The following EVA1C variants were observed in gnomAD, a reference collection of about 807,000 sequenced individuals.
EVA1C encodes the protein eva-1 homolog C.
EVA1C carries 25 observed loss-of-function variants against 45.4 expected under a neutral mutation model. The observed-to-expected ratio is 0.55, with a 90% CI of 0.40 to 0.77. EVA1C has a LOEUF of 0.77. Among genes scored for constraint, EVA1C ranks in the 30% least tolerant of loss-of-function variants. The pLI is 0.00. For synonymous variants in EVA1C, 190 were observed against 221.2 expected, an observed-to-expected ratio of 0.86 and a Z score of 1.25; for missense variants, 479 against 554.8, an observed-to-expected ratio of 0.86 and a Z score of 1.37.
intron 7 of EVA1C, among the ~76,000 whole-genome samples, chr21:32,507,578 A>G (rs989636825): frequency 1.4e-5 from 2 of 145,578 alleles, no homozygotes; most frequent in African/African-American, 5.2e-5. Context: ...GTGCATGTGT[A>G]TATGTGTGTG....
intron 1 of EVA1C, among the ~76,000 whole-genome samples, chr21:32,449,055 A>G (rs150292146): frequency 6.6e-6 from 1 of 152,176 alleles, no homozygotes; most frequent in African/African-American, 2.4e-5. Context: ...GGAAAGAAAG[A>G]GAAAAGAAAA....
intron 1 of EVA1C, among the ~76,000 whole-genome samples, chr21:32,437,754 C>G (rs2035015543): frequency 6.6e-6 from 1 of 152,180 alleles, no homozygotes; most frequent in Non-Finnish European, 1.5e-5. Context: ...TGCCCTCTCC[C>G]TACACACCCT....
chr21:32,435,816 T>C (rs1418378006), intron 1 of EVA1C, among the ~76,000 whole-genome samples: 1 of 152,210 alleles, frequency 6.6e-6, no homozygotes, highest in African/African-American at 2.4e-5. Flanking sequence ...CAATTTATCA[T>C]GATACTGTCA....
chr21:32,473,921 T>C (rs1476998828), intron 4 of EVA1C: 2 of 985,328 alleles, frequency 2.0e-6, no homozygotes, highest in Non-Finnish European at 1.2e-6. Context: ...TCAGCCTTTT[T>C]GTGCCACGGA....
intron 7 of EVA1C, among the ~76,000 whole-genome samples, chr21:32,514,528 G>T (rs2038073152): frequency 6.6e-6 from 1 of 152,200 alleles, no homozygotes; most frequent in African/African-American, 2.4e-5. Context: ...CACAGCTACT[G>T]AGTGGCAGAC....
chr21:32,511,124 C>T (rs2037933551), intron 7 of EVA1C, among the ~76,000 whole-genome samples: 1 of 151,788 alleles, frequency 6.6e-6, no homozygotes, highest in African/African-American at 2.4e-5. Context: ...AGAAAATATA[C>T]ACATCCTTGG....
At chr21:32,413,136 G>T in intron 1 of EVA1C, 123 bp downstream of exon 1, 7 of 829,530 alleles carry the variant, frequency 8.4e-6, no homozygotes, top group Non-Finnish European at 8.3e-6. Flanking sequence ...CGTGCTCACA[G>T]ACACTTGTCT....
At chr21:32,454,086 G>A (rs1288084397) in intron 2 of EVA1C, among the ~76,000 whole-genome samples, 6 of 152,048 alleles carry the variant, frequency 3.9e-5, no homozygotes, top group Non-Finnish European at 4.4e-5. Context: ...AAAATTAGCC[G>A]GGCATGGTGG....
intron 1 of EVA1C, among the ~76,000 whole-genome samples, chr21:32,427,820 C>T (rs1483222687): frequency 7.8e-6 from 1 of 127,900 alleles, no homozygotes; most frequent in Non-Finnish European, 1.6e-5. Flanking sequence ...GAGTTTGAGA[C>T]AAGCCTGGGC....
At chr21:32,426,625 G>T (rs920642817) in intron 1 of EVA1C, among the ~76,000 whole-genome samples, 2 of 152,020 alleles carry the variant, frequency 1.3e-5, no homozygotes, top group African/African-American at 4.8e-5. Flanking sequence ...ATCAAGATAC[G>T]CTGGAGTTTG....
chr21:32,495,436 TGGA>T (rs1366006541), intron 5 of EVA1C, among the ~76,000 whole-genome samples: 1 of 151,966 alleles, frequency 6.6e-6, no homozygotes, highest in African/African-American at 2.4e-5. Flanking sequence ...ATGGGGAGGG[TGGA>T]GAAGGAACAA....
chr21:32,460,616 C>A (rs762055082), intron 3 of EVA1C, among the ~76,000 whole-genome samples: 1 of 152,134 alleles, frequency 6.6e-6, no homozygotes, highest in Non-Finnish European at 1.5e-5. Context: ...CAGGTGAGCA[C>A]GTCCTCGGTA....
intron 7 of EVA1C, among the ~76,000 whole-genome samples, chr21:32,511,819 T>C (rs966452353): frequency 5.9e-5 from 9 of 152,112 alleles, no homozygotes; most frequent in Non-Finnish European, 1.2e-4. Flanking sequence ...AGAGAAACGC[T>C]TGCAGGTGTT....
intron 1 of EVA1C, among the ~76,000 whole-genome samples, chr21:32,451,808 C>G (rs1043709872): frequency 2.2e-4 from 33 of 152,236 alleles, no homozygotes; most frequent in African/African-American, 7.0e-4. Flanking sequence ...ATAAGGACAC[C>G]GGTTATATGG....
At chr21:32,439,852 G>GA (rs369308705) in intron 1 of EVA1C, among the ~76,000 whole-genome samples, 6 of 149,528 alleles carry the variant, frequency 4.0e-5, no homozygotes, top group South Asian at 2.1e-4. Context: ...TCCCTAAAGT[G>GA]AAAAAAAAAG....
intron 3 of EVA1C, among the ~76,000 whole-genome samples, chr21:32,462,817 G>A (rs984339674): frequency 3.3e-5 from 5 of 152,148 alleles, no homozygotes; most frequent in South Asian, 2.1e-4. Context: ...CCTCTGCTTC[G>A]GCCCATCCCT....
chr21:32,481,274 T>C (rs183444540), intron 4 of EVA1C, among the ~76,000 whole-genome samples: 1 of 152,302 alleles, frequency 6.6e-6, no homozygotes. Context: ...AGAAATCATA[T>C]ATTCCATTCT....
chr21:32,430,964 C>T (rs1235168867), intron 1 of EVA1C, among the ~76,000 whole-genome samples: 1 of 36,946 alleles, frequency 2.7e-5, no homozygotes, highest in Non-Finnish European at 4.1e-5. Flanking sequence ...CAGAGTGAGA[C>T]TTGGTCTCAA....
Position 32,475,366 on chromosome 21 carries a change from TCA to T in EVA1C, c.634+7519_634+7520del, listed in dbSNP as rs201478867. On this transcript the variant is annotated intron_variant, in intron 4 of 7. Transcript: ENST00000300255. ...ATCATCATCATCATCATCATCATCA[TCA>T]TTTTTATTGTTCTGCACAAACACCA... Among the ~76,000 whole-genome samples, 1,543 of 151,902 alleles carry T rather than the reference TCA, an allele frequency of 0.01. 102 individuals carry two copies. The East Asian group carries it at 0.17, about 17-fold the overall frequency.
Sources: allele counts gnomAD v4.1 joint callset (sites outside exome capture counted in the v4.1 genomes callset), GRCh38; gene constraint gnomAD v4.1.1; transcripts MANE v1.5; gene names NCBI Gene and HGNC (gene_info 2026-07-23, HGNC 2026-07-21).